The following SYNJ2 variants were observed in gnomAD, a reference collection of about 807,000 sequenced individuals.
SYNJ2 encodes polyphosphatidylinositol phosphatase SYNJ2.
In SYNJ2, 116 loss-of-function variants were observed where a neutral mutation model predicts 141.3. That is an observed-to-expected ratio of 0.82 (90% CI 0.71 to 0.96). SYNJ2 has a LOEUF of 0.96. Ranked by LOEUF, SYNJ2 falls within the 40% of genes least tolerant of loss-of-function variation. The pLI is 0.00. For synonymous variants in SYNJ2, 745 were observed against 777.7 expected (o/e 0.96, Z 0.70); for missense variants, 1,873 against 1,934.8 (o/e 0.97, Z 0.60).
At chr6:158,094,025 T>G in intron 26 of SYNJ2, 1 of 764,550 alleles carries the variant, frequency 1.3e-6, no homozygotes, top group Non-Finnish European at 2.4e-6. Context: ...AGTGTTCTAG[T>G]AACGGACCCT....
chr6:158,005,462 C>G (rs1487321168), intron 1 of SYNJ2, among the ~76,000 whole-genome samples: 1 of 152,164 alleles, frequency 6.6e-6, no homozygotes, highest in Non-Finnish European at 1.5e-5. Flanking sequence ...CACCTTCCCT[C>G]TTTGCCATGT....
chr6:158,069,960 G>T (rs530498526), intron 14 of SYNJ2, among the ~76,000 whole-genome samples: 14 of 152,292 alleles, frequency 9.2e-5, no homozygotes, highest in Admixed American at 2.6e-4. Context: ...CAAGGAAAAG[G>T]GTTCCTTGTT....
intron 1 of SYNJ2, among the ~76,000 whole-genome samples, chr6:158,013,586 G>T (rs559916063): frequency 6.6e-6 from 1 of 152,184 alleles, no homozygotes; most frequent in Admixed American, 6.5e-5. Context: ...CATGTTCAGT[G>T]GATCCTCATT....
At chr6:158,016,716 C>T (rs558534234) in intron 1 of SYNJ2, among the ~76,000 whole-genome samples, 58 of 152,222 alleles carry the variant, frequency 3.8e-4, no homozygotes, top group Middle Eastern at 3.4e-3. Context: ...ACCCGGCAGG[C>T]AAGGCACGCA....
intron 25 of SYNJ2, among the ~76,000 whole-genome samples, chr6:158,090,743 C>T (rs1402800683): frequency 1.3e-5 from 2 of 151,732 alleles, no homozygotes; most frequent in African/African-American, 4.8e-5. Flanking sequence ...TGTGATTTCA[C>T]CTTGTTGGCC....
At chr6:158,017,405 CTTT>C (rs34667973) in intron 2 of SYNJ2, 115 bp downstream of exon 2, 34,538 of 596,096 alleles carry the variant, frequency 0.058, 50 homozygotes, top group Middle Eastern at 0.08. Context: ...TCTCTCTCTT[CTTT>C]TTTTTTTTTT....
At chr6:158,079,936 A>C (rs1186657814) in intron 18 of SYNJ2, among the ~76,000 whole-genome samples, 1 of 152,232 alleles carries the variant, frequency 6.6e-6, no homozygotes, top group Non-Finnish European at 1.5e-5. Flanking sequence ...GTGCTATGAA[A>C]GAAAAAAAGT....
chr6:158,003,506 G>A (rs1258157478), intron 1 of SYNJ2, among the ~76,000 whole-genome samples: 1 of 152,162 alleles, frequency 6.6e-6, no homozygotes, highest in East Asian at 1.9e-4. Flanking sequence ...GGCCTCTTGA[G>A]ACCCTGAAAT....
chr6:158,045,068 C>G (rs1196926482), intron 5 of SYNJ2, among the ~76,000 whole-genome samples: 2 of 150,152 alleles, frequency 1.3e-5, no homozygotes, highest in Non-Finnish European at 3.0e-5. Flanking sequence ...TTCATCCATT[C>G]CACCCTCTGA....
intron 2 of SYNJ2, among the ~76,000 whole-genome samples, chr6:158,018,485 C>T (rs1245146989): frequency 1.3e-5 from 2 of 152,226 alleles, no homozygotes; most frequent in Non-Finnish European, 2.9e-5. Context: ...CTCACAGCAG[C>T]TGTTTTCAGA....
intron 8 of SYNJ2, among the ~76,000 whole-genome samples, chr6:158,063,515 C>T (rs531604839): frequency 7.2e-5 from 11 of 151,932 alleles, no homozygotes; most frequent in African/African-American, 2.4e-4. Context: ...AAAAATTAGC[C>T]GGGTGTGATG....
At chr6:158,058,145 G>C (rs1333629775) in intron 6 of SYNJ2, among the ~76,000 whole-genome samples, 1 of 152,186 alleles carries the variant, frequency 6.6e-6, no homozygotes, top group African/African-American at 2.4e-5. Flanking sequence ...ATTTGGAAAA[G>C]AGAAAGATGT....
chr6:158,057,305 C>A (rs1010714665), intron 6 of SYNJ2, among the ~76,000 whole-genome samples: 1 of 152,078 alleles, frequency 6.6e-6, no homozygotes, highest in African/African-American at 2.4e-5. Flanking sequence ...CTGGTGCCAG[C>A]GTCCCCTTAC....
At chr6:158,079,348 A>G (rs1782526741) in intron 18 of SYNJ2, 2 of 152,032 alleles carry the variant, frequency 1.3e-5, no homozygotes, top group Admixed American at 1.3e-4. Context: ...AGAAATTAAG[A>G]AAAAGAAGGT....
chr6:157,989,169 TTAAA>T (rs1777317421), intron 1 of SYNJ2, among the ~76,000 whole-genome samples: 1 of 152,142 alleles, frequency 6.6e-6, no homozygotes, highest in Non-Finnish European at 1.5e-5. Context: ...TTTTCACTGG[TTAAA>T]TAAACTTTGG....
At chr6:158,065,052 C>T in intron 11 of SYNJ2, 61 bp downstream of exon 11, 3 of 1,467,004 alleles carry the variant, frequency 2.0e-6, no homozygotes, top group South Asian at 1.4e-5. Context: ...CCCCACTTTC[C>T]CACCGCCTCT....
chr6:158,045,270 G>T (rs1226663998), intron 5 of SYNJ2, among the ~76,000 whole-genome samples: 1 of 151,966 alleles, frequency 6.6e-6, no homozygotes, highest in African/African-American at 2.4e-5. Context: ...ACCACACCCA[G>T]CTAATTTTGT....
rs370643062 is a variant in SYNJ2 at position 158,062,145 on chromosome 6, G to T, written c.1108G>T (p.Gly370Trp). The change falls in exon 8 of 27, where the codon GGG becomes TGG. Residue 370 changes from glycine (G) to tryptophan (W), a missense_variant. By Grantham distance (184) the Gly-to-Trp change is radical. Coordinates refer to ENST00000355585, the MANE Select transcript of SYNJ2 (RefSeq NM_003898.4). Reference sequence around the variant, plus strand: ...GGAAGACTTCGATGTGTTCACAAAGGGGGAGAACGTCAGTCCACGGTGAGG... The same window carrying T: ...GGAAGACTTCGATGTGTTCACAAAGTGGGAGAACGTCAGTCCACGGTGAGG... ...HWEDFDVFTK[G>W]ENVSPRFQKG... The T allele has an allele frequency of 3.7e-5, 60 of 1,613,658 alleles. No homozygotes were observed. The African/African-American group carries it at 5.1e-4, about 14-fold the overall frequency.
At chr6:158,039,426 G>T (rs1414859649) in intron 4 of SYNJ2, among the ~76,000 whole-genome samples, 1 of 152,226 alleles carries the variant, frequency 6.6e-6, no homozygotes, top group Non-Finnish European at 1.5e-5. Context: ...GGGCTGCGTG[G>T]TCTGCAGGGG....
Sources: gnomAD v4.1 joint callset for allele counts (sites outside exome capture counted in the v4.1 genomes callset) on GRCh38, gnomAD v4.1.1 for gene constraint, MANE v1.5 for transcripts, NCBI Gene and HGNC (gene_info 2026-07-23, HGNC 2026-07-21) for gene names.